The following FBN2 variants were observed in gnomAD, a reference collection of about 807,000 sequenced individuals.
FBN2 encodes fibrillin 2, also known as fibrillin-2.
In FBN2, 105 loss-of-function variants were observed where a neutral mutation model predicts 355.6. The ratio of observed to expected loss-of-function variants is 0.30; its 90% confidence interval spans 0.25 to 0.35. The LOEUF (loss-of-function observed/expected upper bound fraction) is 0.35. Ranked by LOEUF, FBN2 falls within the 10% of genes least tolerant of loss-of-function variation. The pLI, the probability that FBN2 is intolerant of heterozygous loss-of-function variation, is 1.00. For missense variants in FBN2, 3,280 were observed against 3,758.7 expected, an observed-to-expected ratio of 0.87 and a Z score of 3.33; for synonymous variants, 1,350 against 1,301.2, an observed-to-expected ratio of 1.04 and a Z score of -0.81.
chr5:128,480,868 G>C (rs933933909), intron 5 of FBN2, among the ~76,000 whole-genome samples: 3 of 152,088 alleles, frequency 2.0e-5, no homozygotes, highest in Admixed American at 6.6e-5. Context: ...CAGTGATATC[G>C]CAAGACTAAA....
At chr5:128,440,129 A>T (rs893976043) in intron 7 of FBN2, among the ~76,000 whole-genome samples, 1 of 152,218 alleles carries the variant, frequency 6.6e-6, no homozygotes, top group Non-Finnish European at 1.5e-5. Context: ...TTTTCGCTTT[A>T]TAACATGTTT....
chr5:128,278,885 T>C, intron 56 of FBN2, 44 bp from the exon 57 acceptor site: 1 of 1,491,322 alleles, frequency 6.7e-7, no homozygotes, highest in East Asian at 2.3e-5. Flanking sequence ...GGAACTGACA[T>C]TTCATTATCC....
chr5:128,464,451 T>C (rs891700905), intron 6 of FBN2, among the ~76,000 whole-genome samples: 9 of 152,136 alleles, frequency 5.9e-5, no homozygotes, highest in Non-Finnish European at 4.4e-5. Flanking sequence ...AATAGAGTGG[T>C]TCATCCTTTG....
intron 5 of FBN2, among the ~76,000 whole-genome samples, chr5:128,504,222 T>C (rs997854605): frequency 6.6e-6 from 1 of 152,114 alleles, no homozygotes; most frequent in Non-Finnish European, 1.5e-5. Flanking sequence ...GGAGCCCTAA[T>C]GGAGAACCTC....
At chr5:128,274,780 G>T in intron 59 of FBN2, 97 bp from the exon 60 acceptor site, 1 of 811,576 alleles carries the variant, frequency 1.2e-6, no homozygotes, top group Non-Finnish European at 2.2e-6. Context: ...TCCATTAGAA[G>T]CATTTTGTCT....
chr5:128,421,447 T>C (rs753316336), intron 7 of FBN2, among the ~76,000 whole-genome samples: 1 of 152,202 alleles, frequency 6.6e-6, no homozygotes, highest in African/African-American at 2.4e-5. Flanking sequence ...AGTTTCATTA[T>C]TGAGCTAATA....
intron 19 of FBN2, among the ~76,000 whole-genome samples, chr5:128,361,264 A>G (rs551349986): frequency 6.6e-6 from 1 of 152,326 alleles, no homozygotes; most frequent in South Asian, 2.1e-4. Context: ...TATCATTTTT[A>G]CTTAGTTCTC....
intron 5 of FBN2, among the ~76,000 whole-genome samples, chr5:128,516,924 G>T (rs1311301472): frequency 2.0e-5 from 3 of 152,138 alleles, no homozygotes; most frequent in African/African-American, 7.2e-5. Flanking sequence ...TGGTTGCTAT[G>T]TAAGAGTGCA....
chr5:128,342,221 A>G (rs1407469313), intron 25 of FBN2, among the ~76,000 whole-genome samples: 2 of 152,094 alleles, frequency 1.3e-5, no homozygotes, highest in African/African-American at 4.8e-5. Flanking sequence ...AGAAATGGGA[A>G]AGGCAAGAAG....
chr5:128,281,830 C>A (rs573218749), intron 55 of FBN2, among the ~76,000 whole-genome samples: 7 of 152,138 alleles, frequency 4.6e-5, no homozygotes, highest in Non-Finnish European at 7.4e-5. Context: ...GGACTACAGG[C>A]GCCCGCCACC....
chr5:128,470,034 A>G (rs1373651259), intron 5 of FBN2, among the ~76,000 whole-genome samples: 1 of 152,198 alleles, frequency 6.6e-6, no homozygotes, highest in Non-Finnish European at 1.5e-5. Context: ...GAGTGAGAGA[A>G]TATAGTTAAA....
chr5:128,329,214 G>A lies in FBN2; in HGVS notation c.4346-393C>T, dbSNP rs184167993. ...ATTCTTTGAGAAAATTATAGTATTCGAATAAATAACTGGCTTTTTCACTAA... is the reference window on the plus strand; with the variant it reads ...ATTCTTTGAGAAAATTATAGTATTCAAATAAATAACTGGCTTTTTCACTAA... On this transcript the variant is annotated intron_variant, in intron 33 of 64. Coordinates refer to ENST00000262464, the MANE Select transcript of FBN2 (RefSeq NM_001999.4). Among the ~76,000 whole-genome samples the A allele has an allele frequency of 1.5e-4, 23 of 152,120 alleles. No individual in the cohort carries two copies. In the East Asian group the frequency reaches 3.1e-3, roughly 20 times the overall value.
intron 5 of FBN2, among the ~76,000 whole-genome samples, chr5:128,500,589 C>T (rs1405593510): frequency 6.6e-6 from 1 of 151,672 alleles, no homozygotes; most frequent in African/African-American, 2.4e-5. Flanking sequence ...GGACTACAGG[C>T]GCCTGCCACC....
chr5:128,505,517 A>G (rs1257287410), intron 5 of FBN2, among the ~76,000 whole-genome samples: 3 of 152,170 alleles, frequency 2.0e-5, no homozygotes, highest in Non-Finnish European at 4.4e-5. Context: ...TAAAGTGTAC[A>G]TGTATGGTTT....
At chr5:128,434,000 C>T (rs568024162) in intron 7 of FBN2, among the ~76,000 whole-genome samples, 3 of 152,054 alleles carry the variant, frequency 2.0e-5, no homozygotes, top group South Asian at 2.1e-4. Context: ...AAAATAAGGG[C>T]TCTTTAAATA....
At chr5:128,495,415 C>A (rs1371681953) in intron 5 of FBN2, among the ~76,000 whole-genome samples, 2 of 151,950 alleles carry the variant, frequency 1.3e-5, no homozygotes, top group Admixed American at 6.6e-5. Flanking sequence ...AGAAAACTTC[C>A]AAACTTGATG....
chr5:128,418,580 T>C (rs1753264955), intron 7 of FBN2, among the ~76,000 whole-genome samples: 1 of 152,178 alleles, frequency 6.6e-6, no homozygotes, highest in South Asian at 2.1e-4. Context: ...TTTTAAAATG[T>C]CCTTATTCCT....
At chr5:128,448,832 G>C (rs189759064) in intron 6 of FBN2, among the ~76,000 whole-genome samples, 1 of 151,924 alleles carries the variant, frequency 6.6e-6, no homozygotes, top group African/African-American at 2.4e-5. Context: ...GGAATTGTTG[G>C]AATTGTCGTC....
At chr5:128,302,898 T>G in intron 46 of FBN2, 75 bp downstream of exon 46, 1 of 888,014 alleles carries the variant, frequency 1.1e-6, no homozygotes, top group Non-Finnish European at 1.9e-6. Flanking sequence ...TTTTTGTTCT[T>G]TAGTTTTGTT....
Sources: gnomAD v4.1 joint callset for allele counts (sites outside exome capture counted in the v4.1 genomes callset) on GRCh38, gnomAD v4.1.1 for gene constraint, MANE v1.5 for transcripts, NCBI Gene and HGNC (gene_info 2026-07-23, HGNC 2026-07-21) for gene names.